Variants in PKHD1 observed in about 807,000 individuals in gnomAD.
PKHD1 encodes PKHD1 ciliary IPT domain containing fibrocystin/polyductin.
In PKHD1, 291 loss-of-function variants were observed where a neutral mutation model predicts 412.0. The observed-to-expected ratio is 0.71, with a 90% confidence interval of 0.64 to 0.78. The LOEUF (loss-of-function observed/expected upper bound fraction) is 0.78. Among genes scored for constraint, PKHD1 ranks in the 30% least tolerant of loss-of-function variants. The pLI is 0.00. For synonymous variants in PKHD1, 1,777 were observed against 1,821.5 expected (o/e 0.98, Z 0.62); for missense variants, 4,825 against 4,950.7 (o/e 0.97, Z 0.76).
intron 52 of PKHD1, among the ~76,000 whole-genome samples, chr6:51,797,364 G>T (rs9370058): frequency 6.6e-6 from 1 of 151,866 alleles, no homozygotes; most frequent in Non-Finnish European, 1.5e-5. Context: ...TGTTAATTTT[G>T]TGTCTAAATT....
chr6:51,665,196 T>C (rs1773535135), intron 60 of PKHD1, among the ~76,000 whole-genome samples: 3 of 152,244 alleles, frequency 2.0e-5, no homozygotes, highest in Middle Eastern at 6.8e-3. Flanking sequence ...AAATTAGTTA[T>C]ATTTCAAGGC....
intron 50 of PKHD1, among the ~76,000 whole-genome samples, chr6:51,844,553 C>A (rs910989424): frequency 1.3e-5 from 2 of 152,180 alleles, no homozygotes; most frequent in South Asian, 4.1e-4. Context: ...GTGGAGAGAG[C>A]CACAGCCAGG....
intron 52 of PKHD1, among the ~76,000 whole-genome samples, chr6:51,813,438 G>A (rs1582839536): frequency 6.6e-6 from 1 of 152,004 alleles, no homozygotes; most frequent in Non-Finnish European, 1.5e-5. Flanking sequence ...TTTAAATGAA[G>A]GATCTGATAT....
At chr6:51,812,776 C>A (rs188424808) in intron 52 of PKHD1, among the ~76,000 whole-genome samples, 1 of 152,238 alleles carries the variant, frequency 6.6e-6, no homozygotes, top group East Asian at 1.9e-4. Flanking sequence ...GAGTCTAGTA[C>A]CTTTCAAATG....
At chr6:51,716,809 G>A (rs1224792396) in intron 60 of PKHD1, among the ~76,000 whole-genome samples, 1 of 152,034 alleles carries the variant, frequency 6.6e-6, no homozygotes, top group Non-Finnish European at 1.5e-5. Flanking sequence ...GTTTACTGAG[G>A]CAGTACCATC....
chr6:51,965,307 A>G (rs1287521585), intron 35 of PKHD1, among the ~76,000 whole-genome samples: 1 of 152,126 alleles, frequency 6.6e-6, no homozygotes, highest in African/African-American at 2.4e-5. Context: ...CACAGTGGAG[A>G]TGGCCTTGCA....
At chr6:51,721,349 T>C in intron 60 of PKHD1, 1 of 540,488 alleles carries the variant, frequency 1.9e-6, no homozygotes, top group Non-Finnish European at 2.3e-6. Context: ...ATTAGTATAT[T>C]ATTGATAATA....
chr6:52,007,839 A>G (rs1401635394), intron 35 of PKHD1, among the ~76,000 whole-genome samples: 1 of 152,080 alleles, frequency 6.6e-6, no homozygotes, highest in Non-Finnish European at 1.5e-5. Context: ...TTATTTCCTA[A>G]CTTCCACCAT....
intron 36 of PKHD1, 127 bp from the exon 37 acceptor site, chr6:51,934,449 C>A (rs989802680): frequency 2.8e-6 from 2 of 719,978 alleles, no homozygotes; most frequent in Non-Finnish European, 5.0e-6. Context: ...TTTTATCATG[C>A]TCTCTCTTGT....
intron 60 of PKHD1, among the ~76,000 whole-genome samples, chr6:51,741,636 T>C (rs1784568186): frequency 6.6e-6 from 1 of 152,216 alleles, no homozygotes; most frequent in Non-Finnish European, 1.5e-5. Flanking sequence ...CGCAGTTCCC[T>C]ATCAGACTTG....
At position 51,714,345 on chromosome 6, in the gene PKHD1, G is replaced by C. The variant is rs571276206; in HGVS notation, c.10156+30040C>G. 2.7e-5 allele frequency among the ~76,000 whole-genome samples: 4 copies of C among 146,446 alleles called. No individual in the cohort carries two copies. In the East Asian group the frequency reaches 6.2e-4, roughly 23 times the overall value. On this transcript the variant is annotated intron_variant, in intron 60 of 66. Transcript: ENST00000371117. ...AGATCGTGCCATTGCACTCTAGCCT[G>C]GGTGACAGAGTGAGACTCCATTTCA...
At chr6:51,954,545 G>C (rs902533360) in intron 36 of PKHD1, among the ~76,000 whole-genome samples, 18 of 152,092 alleles carry the variant, frequency 1.2e-4, no homozygotes, top group Admixed American at 6.6e-5. Context: ...ACAAGTTTCT[G>C]CTCAGACACA....
chr6:51,982,284 C>G (rs373161571), intron 35 of PKHD1, among the ~76,000 whole-genome samples: 1 of 59,196 alleles, frequency 1.7e-5, no homozygotes, highest in African/African-American at 4.1e-5. Context: ...CCCCTCTGCC[C>G]GGCCACGACC....
chr6:51,676,923 G>C (rs1775943659), intron 60 of PKHD1, among the ~76,000 whole-genome samples: 2 of 152,102 alleles, frequency 1.3e-5, no homozygotes, highest in African/African-American at 4.8e-5. Context: ...ATAAGGTGAA[G>C]GCATATTGAG....
chr6:51,960,883 T>A (rs752515540), intron 35 of PKHD1, among the ~76,000 whole-genome samples: 17 of 152,156 alleles, frequency 1.1e-4, no homozygotes, highest in Admixed American at 2.0e-4. Flanking sequence ...AACAGGGACA[T>A]AAAAATCACA....
At chr6:51,896,553 A>C (rs1472428581) in intron 43 of PKHD1, among the ~76,000 whole-genome samples, 4 of 151,304 alleles carry the variant, frequency 2.6e-5, no homozygotes, top group South Asian at 2.1e-4. Context: ...ATAAAACCAC[A>C]AAGATGGGGA....
At chr6:51,798,305 G>A (rs779484317) in intron 52 of PKHD1, among the ~76,000 whole-genome samples, 13 of 151,006 alleles carry the variant, frequency 8.6e-5, no homozygotes, top group Non-Finnish European at 1.5e-4. Context: ...CTTGAACCCA[G>A]GAGACAGAGT....
At chr6:52,022,736 T>C (rs1017317350) in intron 33 of PKHD1, 65 bp downstream of exon 33, 22 of 1,546,670 alleles carry the variant, frequency 1.4e-5, no homozygotes, top group Non-Finnish European at 2.0e-5. Context: ...AAAAATAGAA[T>C]TAACCAAAGA....
chr6:52,019,529 A>G (rs1801090955), intron 33 of PKHD1, among the ~76,000 whole-genome samples: 1 of 152,214 alleles, frequency 6.6e-6, no homozygotes, highest in Non-Finnish European at 1.5e-5. Flanking sequence ...CCACACCTAT[A>G]AAATAATGAA....
Sources: gnomAD v4.1 joint callset for allele counts (sites outside exome capture counted in the v4.1 genomes callset) on GRCh38, gnomAD v4.1.1 for gene constraint, MANE v1.5 for transcripts, NCBI Gene and HGNC (gene_info 2026-07-23, HGNC 2026-07-21) for gene names.